The following WDTC1 variants were observed in gnomAD, a reference collection of about 807,000 sequenced individuals.
WDTC1 encodes the protein WD and tetratricopeptide repeats 1.
A neutral mutation model predicts 76.0 loss-of-function variants in WDTC1; 12 were observed. That is an observed-to-expected ratio of 0.16 (90% CI 0.10 to 0.26). The LOEUF is 0.26. Among genes scored for constraint, WDTC1 ranks in the 10% least tolerant of loss-of-function variants. The pLI is 1.00. For synonymous variants in WDTC1, 326 were observed against 350.8 expected (o/e 0.93, Z 0.79); for missense variants, 511 against 908.8 (o/e 0.56, Z 5.63).
chr1:27,303,679 G>A lies in WDTC1; in HGVS notation c.1527G>A (p.Lys509=). The A allele has an allele frequency of 6.2e-7, 1 of 1,613,308 alleles. No individual in the cohort carries two copies. The highest frequency in any genetic ancestry group is 8.5e-7 in the Non-Finnish European group (1 of 1,179,666). Residue 509 remains lysine, a synonymous_variant, in exon 14 of 16, where the codon AAG becomes AAA. Coordinates refer to ENST00000319394, the MANE Select transcript of WDTC1 (RefSeq NM_001276252.2). This position sits in a 1 kb window ranked among gnomAD's most constrained non-coding sequence, Gnocchi z 4.8. ...APVRLRSTSR[K]DSISEDEMVL... ...TCCGCCTCCGCAGCACGAGCCGCAA[G>A]GACTCCATCTCAGAGGATGAAATGG...
intron 3 of WDTC1, among the ~76,000 whole-genome samples, chr1:27,264,931 T>C (rs1185757760): frequency 6.6e-6 from 1 of 152,074 alleles, no homozygotes; most frequent in Non-Finnish European, 1.5e-5. Flanking sequence ...GCCCCCTGAA[T>C]AGCTGGGATT....
At chr1:27,258,574 G>GGAAA (rs1026453841) in intron 1 of WDTC1, among the ~76,000 whole-genome samples, 3 of 150,540 alleles carry the variant, frequency 2.0e-5, no homozygotes, top group South Asian at 2.1e-4. Context: ...AGGGAGGGAA[G>GGAAA]GAAAGAAAGA....
At chr1:27,252,085 C>T (rs1158940694) in intron 1 of WDTC1, among the ~76,000 whole-genome samples, 1 of 151,614 alleles carries the variant, frequency 6.6e-6, no homozygotes, top group Non-Finnish European at 1.5e-5. Context: ...GTGGCTCATG[C>T]CTGTAATCCT....
intron 12 of WDTC1, among the ~76,000 whole-genome samples, chr1:27,300,559 A>G (rs1037309483): frequency 3.3e-5 from 5 of 152,066 alleles, no homozygotes; most frequent in Non-Finnish European, 5.9e-5. Flanking sequence ...TGGAGAAGTG[A>G]GTGGGGACGA....
intron 3 of WDTC1, among the ~76,000 whole-genome samples, chr1:27,273,211 T>TTC (rs1553130409): frequency 7.2e-6 from 1 of 138,764 alleles, no homozygotes; most frequent in Non-Finnish European, 1.6e-5. Flanking sequence ...CTTTTCTTTT[T>TTC]TTTTTTTTTT....
Position 27,296,195 on chromosome 1 carries a change from T to C in WDTC1, c.874-131T>C, listed in dbSNP as rs984331182. 18 of 1,092,292 alleles carry C rather than the reference T, an allele frequency of 1.6e-5. No individual in the cohort carries two copies. The Admixed American group carries it at 3.4e-4, about 20-fold the overall frequency. 67.7% of individuals were successfully genotyped at this position (1,092,292 alleles called of 1,614,324 possible). On this transcript the variant is annotated intron_variant, in intron 9 of 15. Transcript: ENST00000319394. ...TGCTGGAAGTACCTCTTAGGATAGC[T>C]TGATTGTTCTATGCTCAACACTCAC...
intron 1 of WDTC1, among the ~76,000 whole-genome samples, chr1:27,237,861 C>CAAAAAA (rs11427877): frequency 1.6e-5 from 2 of 126,220 alleles, no homozygotes; most frequent in African/African-American, 3.1e-5. Flanking sequence ...AACTCCATCT[C>CAAAAAA]AAAAAAAAAA....
rs1456741416 is a variant in WDTC1, at chr1:27,307,799, A to G, written c.*1416A>G. 2 of 152,850 alleles carry G rather than the reference A, an allele frequency of 1.3e-5. No homozygotes were observed. Among genetic ancestry groups the G allele is most frequent in the East Asian group, 1.9e-4 (1 of 5,204 alleles). 9.5% of individuals were successfully genotyped at this position (152,850 alleles called of 1,614,324 possible). A position where few individuals can be genotyped will look rare whatever the true frequency, so the allele number is the denominator to read the frequency against. On this transcript the variant is annotated 3_prime_UTR_variant, in exon 16 of 16. Coordinates refer to ENST00000319394, the MANE Select transcript of WDTC1 (RefSeq NM_001276252.2). The surrounding 1 kb of genome is among the most constrained non-coding windows in gnomAD (Gnocchi z 4.1). ...CTTTAATCCCAGCAACACAGGTGGC[A>G]GCTTCTCCCCCTTCCTTCCCACCCC...
intron 11 of WDTC1, among the ~76,000 whole-genome samples, chr1:27,297,495 A>G (rs1212677383): frequency 2.0e-5 from 3 of 152,128 alleles, no homozygotes; most frequent in African/African-American, 7.2e-5. Flanking sequence ...ATCCTATAGC[A>G]TATCCTTGCC....
chr1:27,301,907 C>T lies in WDTC1; in HGVS notation c.1468+446C>T, dbSNP rs1018446123. 1.2e-4 allele frequency among the ~76,000 whole-genome samples: 18 copies of T among 152,158 alleles called. No homozygotes were observed. The highest frequency in any genetic ancestry group is 2.9e-4 in the African/African-American group (12 of 41,424). On this transcript the variant is annotated intron_variant, in intron 13 of 15. Transcript: ENST00000319394. The surrounding 1 kb of genome is among the most constrained non-coding windows in gnomAD (Gnocchi z 5.8). The stretch of plus-strand genomic sequence containing the variant: ...CGCAGAGCAGTAGAAATGCCTCAGG[C>T]TTGGAATGTGGGGCCTCGGTTCCAA...
chr1:27,260,143 C>T (rs1167373837), intron 1 of WDTC1, among the ~76,000 whole-genome samples: 6 of 152,020 alleles, frequency 3.9e-5, no homozygotes, highest in African/African-American at 7.3e-5. Context: ...CTCGCTCTGT[C>T]GCCCAGGCTG....
intron 1 of WDTC1, among the ~76,000 whole-genome samples, chr1:27,247,939 A>T (rs1411576055): frequency 6.6e-6 from 1 of 152,038 alleles, no homozygotes; most frequent in African/African-American, 2.4e-5. Flanking sequence ...GCTGGTCTTG[A>T]ACTGCTGACC....
At chr1:27,247,311 C>T (rs1352981258) in intron 1 of WDTC1, among the ~76,000 whole-genome samples, 1 of 152,076 alleles carries the variant, frequency 6.6e-6, no homozygotes, top group Non-Finnish European at 1.5e-5. Context: ...CCTGCCTCAG[C>T]CTCCCAAAAT....
chr1:27,235,977 A>C (rs1220447266), intron 1 of WDTC1, among the ~76,000 whole-genome samples: 1 of 152,112 alleles, frequency 6.6e-6, no homozygotes, highest in Non-Finnish European at 1.5e-5. Flanking sequence ...ACAAAGCCTG[A>C]AACCGTTTTG....
chr1:27,289,259 C>T (rs1334192142), intron 6 of WDTC1, among the ~76,000 whole-genome samples: 1 of 150,898 alleles, frequency 6.6e-6, no homozygotes, highest in African/African-American at 2.4e-5. Flanking sequence ...CTCCTCACTT[C>T]TCAGACGGGG....
intron 1 of WDTC1, among the ~76,000 whole-genome samples, chr1:27,235,394 CTGTGTGTG>C (rs139665541): frequency 0.03 from 4,217 of 141,126 alleles, 79 homozygotes; most frequent in South Asian, 0.049. Flanking sequence ...CTCTCTCTTT[CTGTGTGTG>C]TGTGTGTGTG....
intron 6 of WDTC1, 21 bp downstream of exon 6, chr1:27,287,882 G>T (rs968639336): frequency 1.8e-5 from 29 of 1,606,194 alleles, no homozygotes; most frequent in African/African-American, 2.7e-5. Flanking sequence ...GGGGCATCTA[G>T]TGGAGCCTGT....
At chr1:27,235,099 T>G in intron 1 of WDTC1, 148 bp downstream of exon 1, 9 of 267,676 alleles carry the variant, frequency 3.4e-5, no homozygotes, top group Non-Finnish European at 2.1e-5. Context: ...GCCCCGGGTG[T>G]CCCGAGAGGG....
At chr1:27,275,217 C>T (rs1216598246) in intron 3 of WDTC1, among the ~76,000 whole-genome samples, 1 of 152,108 alleles carries the variant, frequency 6.6e-6, no homozygotes, top group African/African-American at 2.4e-5. Context: ...AGCATACATT[C>T]AAATTATGAA....
Sources: gnomAD v4.1 joint callset for allele counts (sites outside exome capture counted in the v4.1 genomes callset) on GRCh38, gnomAD v4.1.1 for gene constraint, Gnocchi (gnomAD v3.1) non-coding constraint, MANE v1.5 for transcripts, NCBI Gene and HGNC (gene_info 2026-07-23, HGNC 2026-07-21) for gene names.